ZCCHC2: variants seen among roughly 807,000 people sequenced by gnomAD.
ZCCHC2 encodes the protein zinc finger CCHC domain-containing protein 2.
ZCCHC2 carries 39 observed loss-of-function variants against 103.6 expected under a neutral mutation model. The ratio of observed to expected loss-of-function variants is 0.38; its 90% CI spans 0.29 to 0.49. The LOEUF is 0.49. ZCCHC2 is among the 20% of genes least tolerant of loss of function. ZCCHC2 has a pLI of 0.96. For synonymous variants in ZCCHC2, 687 were observed against 608.9 expected (o/e 1.13, Z -1.89); for missense variants, 1,483 against 1,491.0 (o/e 0.99, Z 0.09).
chr18:62,542,813 C>T (rs1002729445), intron 3 of ZCCHC2, among the ~76,000 whole-genome samples: 8 of 152,062 alleles, frequency 5.3e-5, no homozygotes, highest in African/African-American at 1.2e-4. Flanking sequence ...GATTTAGGGA[C>T]GCAATTAAGA....
chr18:62,583,908 G>A (rs1917099217), intron 14 of ZCCHC2, among the ~76,000 whole-genome samples: 1 of 152,154 alleles, frequency 6.6e-6, no homozygotes. Context: ...TAACTGGAGT[G>A]CCCTCGCCCC....
chr18:62,551,523 A>G (rs575709412), intron 5 of ZCCHC2: 1 of 152,714 alleles, frequency 6.5e-6, no homozygotes, highest in South Asian at 2.1e-4. Flanking sequence ...ACTAAGCTGG[A>G]CTAGGAAGTG....
At chr18:62,552,919 AC>A (rs1270209076) in intron 5 of ZCCHC2, among the ~76,000 whole-genome samples, 21 of 149,364 alleles carry the variant, frequency 1.4e-4, no homozygotes, top group African/African-American at 4.5e-4. Flanking sequence ...TATGTGGGTG[AC>A]TCCTTGTTAA....
intron 1 of ZCCHC2, among the ~76,000 whole-genome samples, chr18:62,535,751 G>A (rs1914896713): frequency 6.6e-6 from 1 of 152,226 alleles, no homozygotes; most frequent in Non-Finnish European, 1.5e-5. Flanking sequence ...GATCCACTGG[G>A]TGGGGAATTG....
At chr18:62,526,842 C>G (rs1163497958) in intron 1 of ZCCHC2, 1 of 151,670 alleles carries the variant, frequency 6.6e-6, no homozygotes, top group Non-Finnish European at 1.5e-5. Context: ...ACGTGACCGG[C>G]GCGCCGGCCC....
At position 62,539,682 on chromosome 18, in the gene ZCCHC2, A is replaced by C; in HGVS notation, c.941A>C (p.Asn314Thr). The C allele has an allele frequency of 3.2e-6, 5 of 1,584,210 alleles. No homozygotes were observed. Among genetic ancestry groups the C allele is most frequent in the Admixed American group, 1.8e-5 (1 of 55,444 alleles). Residue 314 changes from asparagine to threonine, a missense_variant and splice_region_variant, in exon 2 of 14, where the codon AAC becomes ACC. Asn to Thr is a moderately conservative substitution (Grantham distance 65). Coordinates refer to ENST00000269499, the MANE Select transcript of ZCCHC2 (RefSeq NM_017742.6). ...CGTATCTCCCTCTTTCTCATCTAGA[A>C]CAACTCTGCTCATGGTGATTACATG... is the stretch of plus-strand genomic sequence containing the variant. ...PCKFAGPRAQNNSAHGDYMQN... is the reference protein window; with the variant it reads ...PCKFAGPRAQTNSAHGDYMQN...
chr18:62,524,086 G>A lies in ZCCHC2; in HGVS notation c.662G>A (p.Arg221His), dbSNP rs1324302268. 2 of 1,513,400 alleles carry A rather than the reference G, an allele frequency of 1.3e-6. No homozygotes were observed. Among genetic ancestry groups the A allele is most frequent in the Admixed American group, 2.1e-5 (1 of 47,026 alleles). The allele number at this position is 1,513,400 out of a possible 1,614,324, so 93.7% of individuals were successfully genotyped here. ...EGSRGGAEDE[R>H]GEDGDGEQDA... ...TCGCGGGGCGGCGCGGAGGACGAGC[G>A]CGGCGAGGACGGCGACGGCGAGCAG... Residue 221 changes from arginine (R) to histidine (H), a missense_variant, in exon 1 of 14, where the codon CGC becomes CAC. Transcript: ENST00000269499.
chr18:62,555,062 C>T (rs1915826863), intron 5 of ZCCHC2, among the ~76,000 whole-genome samples: 1 of 152,088 alleles, frequency 6.6e-6, no homozygotes, highest in Non-Finnish European at 1.5e-5. Context: ...TGTTGAGCAC[C>T]TAAGTAGTAG....
At chr18:62,569,787 C>T (rs1320956760) in intron 11 of ZCCHC2, among the ~76,000 whole-genome samples, 33 of 152,028 alleles carry the variant, frequency 2.2e-4, no homozygotes, top group Admixed American at 2.2e-3. Context: ...CCAGCAAGCT[C>T]TTAAGAGTTA....
chr18:62,578,249 A>C lies in ZCCHC2; in HGVS notation c.*1670A>C, dbSNP rs886696531. On this transcript the variant is annotated 3_prime_UTR_variant, in exon 14 of 14. Transcript: ENST00000269499. The stretch of plus-strand genomic sequence containing the variant: ...CAAGTAAAGGAAATTATTTTGATTA[A>C]ATATATTTTATTTGATCTGGGTATT... The C allele has an allele frequency of 3.9e-5, 6 of 152,592 alleles. No individual in the cohort carries two copies. The highest frequency in any genetic ancestry group is 7.3e-5 in the Non-Finnish European group (5 of 68,040). 9.5% of individuals were successfully genotyped at this position (152,592 alleles called of 1,614,324 possible).
rs528064758 is a variant in ZCCHC2, at chr18:62,569,560, C to T, written c.1847-543C>T. 9.2e-5 allele frequency among the ~76,000 whole-genome samples: 14 copies of T among 152,066 alleles called. No homozygotes were observed. The South Asian group carries it at 2.5e-3, about 27-fold the overall frequency. ...AATACTAGATACACCGATAGTCCCT[C>T]CTTATGTGCTCAAAACAGATACGGC... On this transcript the variant is annotated intron_variant, in intron 11 of 13. Coordinates refer to ENST00000269499, the MANE Select transcript of ZCCHC2 (RefSeq NM_017742.6).
intron 2 of ZCCHC2, among the ~76,000 whole-genome samples, 165 bp downstream of exon 2, chr18:62,539,957 C>T (rs1915103764): frequency 6.6e-6 from 1 of 152,188 alleles, no homozygotes; most frequent in African/African-American, 2.4e-5. Context: ...CTGCCATCTG[C>T]ACGCTGGGTG....
rs1914134561 is a variant in ZCCHC2, at chr18:62,523,326, C to T, written c.-99C>T. On this transcript the variant is annotated 5_prime_UTR_variant, in exon 1 of 14. Coordinates refer to ENST00000269499, the MANE Select transcript of ZCCHC2 (RefSeq NM_017742.6). ...GCCCTCCCCCGGCGGCATGGAGGGG[C>T]CCCGCTCCTGACGGCCGCGCCGCCG... 3.1e-6 allele frequency: 3 copies of T among 970,536 alleles called. No homozygotes were observed. Among genetic ancestry groups the T allele is most frequent in the Non-Finnish European group, 3.7e-6 (3 of 818,514 alleles). The allele number at this position is 970,536 out of a possible 1,614,324, so 60.1% of individuals were successfully genotyped here.
intron 1 of ZCCHC2, among the ~76,000 whole-genome samples, chr18:62,539,267 T>C (rs1377263964): frequency 6.6e-6 from 1 of 152,224 alleles, no homozygotes; most frequent in Non-Finnish European, 1.5e-5. Context: ...ATAAGACTTT[T>C]TCCTAATAAA....
At chr18:62,568,048 A>T (rs751284431) in intron 11 of ZCCHC2, among the ~76,000 whole-genome samples, 4 of 151,958 alleles carry the variant, frequency 2.6e-5, no homozygotes, top group Non-Finnish European at 5.9e-5. Context: ...TTAGAGGGAA[A>T]TGAGATGCTT....
chr18:62,523,262 A>G lies in ZCCHC2; in HGVS notation c.-163A>G, dbSNP rs1336055167. On this transcript the variant is annotated 5_prime_UTR_variant, in exon 1 of 14. Coordinates refer to ENST00000269499, the MANE Select transcript of ZCCHC2 (RefSeq NM_017742.6). Reference sequence around the variant, plus strand: ...ACGCCAGCGACCCCGCCGGCCGGCCACCGCCCCCCTCGCCGGCCGAGACCC... The same window carrying G: ...ACGCCAGCGACCCCGCCGGCCGGCCGCCGCCCCCCTCGCCGGCCGAGACCC... 10 of 483,804 alleles carry G rather than the reference A, an allele frequency of 2.1e-5. No homozygotes were observed. Among genetic ancestry groups the G allele is most frequent in the Non-Finnish European group, 2.7e-5 (10 of 376,872 alleles). 30.0% of individuals were successfully genotyped at this position (483,804 alleles called of 1,614,324 possible).
rs1916268998 is a variant in ZCCHC2 at position 62,564,655 on chromosome 18, A to G, written c.1751+20A>G. ...AGAAAAGTAGGTTCAATTTAAGGAA[A>G]GACAGCATATAGCCTTTGATAATAG... On this transcript the variant is annotated intron_variant, in intron 10 of 13. Transcript: ENST00000269499. The G allele has an allele frequency of 4.0e-6, 6 of 1,518,756 alleles. No individual in the cohort carries two copies. In the African/African-American group the frequency reaches 5.5e-5, roughly 14 times the overall value. 94.1% of individuals were successfully genotyped at this position (1,518,756 alleles called of 1,614,324 possible).
chr18:62,523,056 G>C lies in ZCCHC2; in HGVS notation c.-369G>C, dbSNP rs1209264441. 6.6e-6 allele frequency: 1 copy of C among 152,362 alleles called. No individual in the cohort carries two copies. Among genetic ancestry groups the C allele is most frequent in the East Asian group, 1.9e-4 (1 of 5,190 alleles). 9.4% of individuals were successfully genotyped at this position (152,362 alleles called of 1,614,324 possible). ...TCACCCAGCCGCTCCGTCCTCACCG[G>C]CTCGCGAGGGAACAGCTCAGGCACC... On this transcript the variant is annotated 5_prime_UTR_variant, in exon 1 of 14. Transcript: ENST00000269499.
rs115386873 is a variant in ZCCHC2 at position 62,543,619 on chromosome 18, C to T, written c.1128+1045C>T. On this transcript the variant is annotated intron_variant, in intron 3 of 13. Coordinates refer to ENST00000269499, the MANE Select transcript of ZCCHC2 (RefSeq NM_017742.6). Reference sequence around the variant, plus strand: ...TGTCCTCTTGCCTGAAATGCTCTTCCCCCATTTCCCCAGACCGAGGACAGG... The same window carrying T: ...TGTCCTCTTGCCTGAAATGCTCTTCTCCCATTTCCCCAGACCGAGGACAGG... Among the ~76,000 whole-genome samples, 453 of 152,284 alleles carry T rather than the reference C, an allele frequency of 3.0e-3. 1 individual carries two copies. The highest frequency in any genetic ancestry group is 0.011 in the African/African-American group (438 of 41,564).
Sources: gnomAD v4.1 joint callset for allele counts (sites outside exome capture counted in the v4.1 genomes callset) on GRCh38, gnomAD v4.1.1 for gene constraint, MANE v1.5 for transcripts, NCBI Gene and HGNC (gene_info 2026-07-23, HGNC 2026-07-21) for gene names.